Variants in CHD3 observed in about 807,000 individuals in gnomAD.
CHD3 encodes chromodomain helicase DNA binding protein 3.
CHD3 carries 52 observed loss-of-function variants against 248.9 expected under a neutral mutation model. The observed-to-expected ratio is 0.21, with a 90% CI of 0.17 to 0.26. The LOEUF is 0.26. CHD3 is among the 10% of genes least tolerant of loss of function. CHD3 has a pLI of 1.00. For synonymous variants in CHD3, 985 were observed against 985.2 expected, an observed-to-expected ratio of 1.00 and a Z score of 0.00; for missense variants, 1,482 against 2,605.8, an observed-to-expected ratio of 0.57 and a Z score of 9.39.
Position 7,894,926 on chromosome 17 carries a change from G to A in CHD3, c.1279G>A (p.Gly427Arg). The change falls in exon 9 of 40, where the codon GGG becomes AGG. Residue 427 changes from glycine (G) to arginine (R), a missense_variant. This residue lies in a region of CHD3 where 138 missense variants were observed against 241.1 expected (regional missense o/e 0.57). Coordinates refer to ENST00000330494, the MANE Select transcript of CHD3 (RefSeq NM_001005273.3). ...KWSCPHCEKEGVQWEAKEEEE... is the reference protein window; with the variant it reads ...KWSCPHCEKERVQWEAKEEEE... Reference sequence around the variant, plus strand: ...ATCCTTGGCCCCCTAGGAGAAGGAGGGGGTCCAGTGGGAGGCCAAGGAGGA... The same window carrying A: ...ATCCTTGGCCCCCTAGGAGAAGGAGAGGGTCCAGTGGGAGGCCAAGGAGGA... The A allele has an allele frequency of 1.9e-6, 3 of 1,612,728 alleles. No individual in the cohort carries two copies. The highest frequency in any genetic ancestry group is 2.5e-6 in the Non-Finnish European group (3 of 1,179,518).
upstream of CHD3, chr17:7,885,220 C>T (rs1967613840): frequency 1.3e-5 from 11 of 847,202 alleles, no homozygotes; most frequent in South Asian, 1.5e-4. Context: ...GGGCCCGTGG[C>T]CCCGCGGCGG....
rs1970107248 is a variant in CHD3 at position 7,899,841 on chromosome 17, G to T, written c.2545-55G>T. The T allele has an allele frequency of 6.3e-7, 1 of 1,594,256 alleles. No individual in the cohort carries two copies. The highest frequency in any genetic ancestry group is 8.6e-7 in the Non-Finnish European group (1 of 1,166,944). ...CAGGACAAGGTGTCTGGTTCTGGAGGTGTAGGTGCATGGTTGTCAGGTGGC... is the reference window on the plus strand; with the variant it reads ...CAGGACAAGGTGTCTGGTTCTGGAGTTGTAGGTGCATGGTTGTCAGGTGGC... On this transcript the variant is annotated intron_variant, in intron 15 of 39. Transcript: ENST00000330494. The surrounding 1 kb of genome is among the most constrained non-coding windows in gnomAD (Gnocchi z 6.8).
Position 7,908,800 on chromosome 17 carries a change from A to C in CHD3, c.5365A>C (p.Lys1789Gln), listed in dbSNP as rs1250198874. Residue 1789 changes from lysine (K) to glutamine (Q), a missense_variant, in exon 36 of 40, where the codon AAA becomes CAA. By Grantham distance (53) the Lys-to-Gln change is moderately conservative. Coordinates refer to ENST00000330494, the MANE Select transcript of CHD3 (RefSeq NM_001005273.3). This position sits in a 1 kb window ranked among gnomAD's most constrained non-coding sequence, Gnocchi z 5.8. Reference protein sequence around the residue: ...EANKGNFLEMKNKFLARRFKL... With the variant: ...EANKGNFLEMQNKFLARRFKL... ...CAATAAGGGGAACTTTCTGGAGATG[A>C]AAAATAAGTTCCTGGCCCGGAGGTT... The C allele has an allele frequency of 6.2e-7, 1 of 1,614,046 alleles. No homozygotes were observed. The highest frequency in any genetic ancestry group is 8.5e-7 in the Non-Finnish European group (1 of 1,180,026).
At chr17:7,894,346 C>T in intron 7 of CHD3, 69 bp from the exon 8 acceptor site, 4 of 1,589,470 alleles carry the variant, frequency 2.5e-6, no homozygotes, top group Non-Finnish European at 3.4e-6. Flanking sequence ...CTCTCTTCAA[C>T]CCTTCTCCCT....
chr17:7,890,492 G>C (rs1178367882), intron 2 of CHD3, 79 bp from the exon 3 acceptor site: 1 of 985,664 alleles, frequency 1.0e-6, no homozygotes, highest in African/African-American at 1.7e-5. Flanking sequence ...ATTAAAAGAG[G>C]TAAGATATGG....
At chr17:7,894,762 C>T (rs1377296821) in intron 8 of CHD3, 154 bp downstream of exon 8, 11 of 1,370,004 alleles carry the variant, frequency 8.0e-6, no homozygotes, top group African/African-American at 1.4e-5. Flanking sequence ...CTTTCTCCCA[C>T]AATCAACATT....
In CHD3 at chr17:7,906,029, G is replaced by A; in HGVS notation, c.4358+40G>A. On this transcript the variant is annotated intron_variant, in intron 28 of 39. Coordinates refer to ENST00000330494, the MANE Select transcript of CHD3 (RefSeq NM_001005273.3). This position sits in a 1 kb window ranked among gnomAD's most constrained non-coding sequence, Gnocchi z 5.0. ...TACAGGGCTGAGTTGGACGCAAGGGGAAGAGCTTTGGGTGTTCCTTTCTTC... is the reference window on the plus strand; with the variant it reads ...TACAGGGCTGAGTTGGACGCAAGGGAAAGAGCTTTGGGTGTTCCTTTCTTC... The A allele has an allele frequency of 6.2e-7, 1 of 1,611,438 alleles. No individual in the cohort carries two copies. Among genetic ancestry groups the A allele is most frequent in the African/African-American group, 1.3e-5 (1 of 74,988 alleles).
rs201212602 is a variant in CHD3 at position 7,910,471 on chromosome 17, C to T, written c.5634C>T (p.Asp1878=). 2.5e-5 allele frequency: 40 copies of T among 1,614,090 alleles called. No individual in the cohort carries two copies. Among genetic ancestry groups the T allele is most frequent in the Middle Eastern group, 3.3e-4 (2 of 6,062 alleles). Residue 1878 remains aspartate, a synonymous_variant, in exon 38 of 40, where the codon GAC becomes GAT. Coordinates refer to ENST00000330494, the MANE Select transcript of CHD3 (RefSeq NM_001005273.3). The surrounding 1 kb of genome is among the most constrained non-coding windows in gnomAD (Gnocchi z 4.7). ...LEELLSDMKA[D]VTRLPATLSR... ...AGTTGCTGAGCGACATGAAGGCGGA[C>T]GTGACCCGCCTGCCAGCCACGCTGT...
rs746996390 is a variant in CHD3 at position 7,889,205 on chromosome 17, C to T, written c.100+105C>T. ...CCCAGGTGTCCACCTTTGGCTCTCC[C>T]TCCCCAGCATCTGGCTTAGGGAGCT... On this transcript the variant is annotated intron_variant, in intron 1 of 39. Coordinates refer to ENST00000330494, the MANE Select transcript of CHD3 (RefSeq NM_001005273.3). The surrounding 1 kb of genome is among the most constrained non-coding windows in gnomAD (Gnocchi z 4.5). The T allele has an allele frequency of 2.3e-5, 33 of 1,418,398 alleles. No homozygotes were observed. Among genetic ancestry groups the T allele is most frequent in the Non-Finnish European group, 3.0e-5 (31 of 1,026,600 alleles). The allele number at this position is 1,418,398 out of a possible 1,614,324, so 87.9% of individuals were successfully genotyped here.
chr17:7,911,414 G>GT lies in CHD3; in HGVS notation c.5882-47dup. ...GAATTCACCATTGTCATGAAGTGACGTTTGAGAGTGATCTGGAGATTGATC... is the reference window on the plus strand; with the variant it reads ...GAATTCACCATTGTCATGAAGTGACGTTTTGAGAGTGATCTGGAGATTGATC... On this transcript the variant is annotated intron_variant, in intron 39 of 39. Coordinates refer to ENST00000330494, the MANE Select transcript of CHD3 (RefSeq NM_001005273.3). The surrounding 1 kb of genome is among the most constrained non-coding windows in gnomAD (Gnocchi z 5.4). 6.2e-7 allele frequency: 1 copy of GT among 1,613,544 alleles called. No homozygotes were observed. The highest frequency in any genetic ancestry group is 8.5e-7 in the Non-Finnish European group (1 of 1,179,702).
In CHD3 at chr17:7,908,058, A is replaced by T. The variant is rs756353717; in HGVS notation, c.5152+39A>T. ...TCGCTGCTTTCTGCTCCTCAAGGGGATCTGCTCATCCTCATGGGGTTTCTC... is the reference window on the plus strand; with the variant it reads ...TCGCTGCTTTCTGCTCCTCAAGGGGTTCTGCTCATCCTCATGGGGTTTCTC... On this transcript the variant is annotated intron_variant, in intron 34 of 39. Transcript: ENST00000330494. This position sits in a 1 kb window ranked among gnomAD's most constrained non-coding sequence, Gnocchi z 5.8. The T allele has an allele frequency of 6.4e-7, 1 of 1,561,824 alleles. No individual in the cohort carries two copies. The highest frequency in any genetic ancestry group is 2.3e-5 in the East Asian group (1 of 44,106).
Position 7,907,502 on chromosome 17 carries a change from C to G in CHD3, c.4924+14C>G. On this transcript the variant is annotated intron_variant, in intron 32 of 39. Coordinates refer to ENST00000330494, the MANE Select transcript of CHD3 (RefSeq NM_001005273.3). This position sits in a 1 kb window ranked among gnomAD's most constrained non-coding sequence, Gnocchi z 4.3. ...GAGAGAAGTCAGGTGGGTGCATGGC[C>G]TTAGGAGTGATGGGGGATTAGAATT... 1 of 1,558,760 alleles carries G rather than the reference C, an allele frequency of 6.4e-7. No individual in the cohort carries two copies. Among genetic ancestry groups the G allele is most frequent in the Non-Finnish European group, 8.7e-7 (1 of 1,154,474 alleles).
chr17:7,909,176 C>T lies in CHD3; in HGVS notation c.5428C>T (p.Leu1810=), dbSNP rs1971340638. Reference sequence around the variant, plus strand: ...GCAGGCGCTGGTGATTGAGGAGCAGCTGCGGCGGGCGGCCTACCTGAACCT... The same window carrying T: ...GCAGGCGCTGGTGATTGAGGAGCAGTTGCGGCGGGCGGCCTACCTGAACCT... ...LEQALVIEEQ[L]RRAAYLNLSQ... Residue 1810 remains leucine, a synonymous_variant, in exon 37 of 40, where the codon CTG becomes TTG. Coordinates refer to ENST00000330494, the MANE Select transcript of CHD3 (RefSeq NM_001005273.3). The surrounding 1 kb of genome is among the most constrained non-coding windows in gnomAD (Gnocchi z 8.1). 2 of 1,550,618 alleles carry T rather than the reference C, an allele frequency of 1.3e-6. No individual in the cohort carries two copies. The highest frequency in any genetic ancestry group is 1.7e-6 in the Non-Finnish European group (2 of 1,148,090).
intron 2 of CHD3, chr17:7,890,330 G>A (rs759008422): frequency 5.5e-6 from 2 of 364,652 alleles, no homozygotes; most frequent in Non-Finnish European, 9.9e-6. Flanking sequence ...ACAGGAGGCT[G>A]AGGCAGGAGA....
chr17:7,890,366 T>G (rs1597918918), intron 2 of CHD3: 1 of 403,720 alleles, frequency 2.5e-6, no homozygotes, highest in Non-Finnish European at 4.4e-6. Context: ...GAGGTGGAGG[T>G]TGCAGTGAGC....
In CHD3 at chr17:7,906,074, G is replaced by T. The variant is rs757635904; in HGVS notation, c.4358+85G>T. On this transcript the variant is annotated intron_variant, in intron 28 of 39. Transcript: ENST00000330494. The surrounding 1 kb of genome is among the most constrained non-coding windows in gnomAD (Gnocchi z 5.0). ...TTCTTCCTTGGGGCCGCCATATGATGTGACCTTACTCAACTGATTATCACC... is the reference window on the plus strand; with the variant it reads ...TTCTTCCTTGGGGCCGCCATATGATTTGACCTTACTCAACTGATTATCACC... 6.4e-7 allele frequency: 1 copy of T among 1,560,290 alleles called. No homozygotes were observed. Among genetic ancestry groups the T allele is most frequent in the Non-Finnish European group, 8.8e-7 (1 of 1,137,628 alleles).
rs370985532 is a variant in CHD3, at chr17:7,901,283, G to T, written c.3160G>T (p.Ala1054Ser). Residue 1054 changes from alanine to serine, a missense_variant, in exon 20 of 40, where the codon GCA becomes TCA. Ala to Ser is a moderately conservative substitution (Grantham distance 99). Coordinates refer to ENST00000330494, the MANE Select transcript of CHD3 (RefSeq NM_001005273.3). ...KLPSGAYEGGALIKSSGKLML... is the reference protein window; with the variant it reads ...KLPSGAYEGGSLIKSSGKLML... ...CCCCAGTGGGGCTTATGAGGGTGGG[G>T]CACTTATTAAGTCGTCTGGGAAGCT... 2.5e-6 allele frequency: 4 copies of T among 1,613,440 alleles called. No homozygotes were observed. The African/African-American group carries it at 4.0e-5, about 16-fold the overall frequency.
intron 13 of CHD3, 97 bp from the exon 14 acceptor site, chr17:7,898,914 T>C (rs902747630): frequency 9.1e-6 from 10 of 1,098,344 alleles, no homozygotes; most frequent in Non-Finnish European, 9.7e-6. Context: ...TAGAGGGAAT[T>C]GTAATCCAAC....
chr17:7,902,102 G>A (rs1567859113), intron 20 of CHD3, among the ~76,000 whole-genome samples: 1 of 152,092 alleles, frequency 6.6e-6, no homozygotes, highest in Non-Finnish European at 1.5e-5. Flanking sequence ...CTCTGCCTTA[G>A]GAGAAACAAT....
Sources: gnomAD v4.1 joint callset for allele counts (sites outside exome capture counted in the v4.1 genomes callset) on GRCh38, gnomAD v4.1.1 for gene constraint, gnomAD v4.1.1 regional missense constraint, Gnocchi (gnomAD v3.1) non-coding constraint, MANE v1.5 for transcripts, NCBI Gene and HGNC (gene_info 2026-07-23, HGNC 2026-07-21) for gene names.